The following IRS2 variants were observed in gnomAD, a reference collection of about 807,000 sequenced individuals.
The protein encoded by IRS2 is insulin receptor substrate 2.
IRS2 carries 28 observed loss-of-function variants against 70.9 expected under a neutral mutation model. The observed-to-expected ratio is 0.39, with a 90% confidence interval of 0.29 to 0.54. The LOEUF is 0.54. IRS2 is among the 20% of genes least tolerant of loss of function. The probability of loss-of-function intolerance (pLI) is 0.59; values close to 1 mark genes in which losing one functional copy is unlikely to be tolerated. For synonymous variants in IRS2, 1,217 were observed against 981.9 expected, an observed-to-expected ratio of 1.24 and a Z score of -4.48; for missense variants, 2,081 against 2,024.1, an observed-to-expected ratio of 1.03 and a Z score of -0.54.
In IRS2 at chr13:109,785,045, C is replaced by A; in HGVS notation, c.1009G>T (p.Gly337Cys). ...TCGGTGCGCGAGCGGCGCACCAGGCCCGTCTGGCTGGGGGGCAGGTTGACC... is the reference window on the plus strand; with the variant it reads ...TCGGTGCGCGAGCGGCGCACCAGGCACGTCTGGCTGGGGGGCAGGTTGACC... ...HLVNLPPSQTGLVRRSRTDSL... is the reference protein window; with the variant it reads ...HLVNLPPSQTCLVRRSRTDSL... The change falls in exon 1 of 2, where the codon GGC becomes TGC. Residue 337 changes from glycine (G) to cysteine (C), a missense_variant. By Grantham distance (159) the Gly-to-Cys change is radical (BLOSUM62 -3). Coordinates refer to ENST00000375856, the MANE Select transcript of IRS2 (RefSeq NM_003749.3). This position sits in a 1 kb window ranked among gnomAD's most constrained non-coding sequence, Gnocchi z 9.3. 1.2e-5 allele frequency: 18 copies of A among 1,547,212 alleles called. No homozygotes were observed. The highest frequency in any genetic ancestry group is 1.6e-5 in the Non-Finnish European group (18 of 1,147,882).
intron 1 of IRS2, among the ~76,000 whole-genome samples, chr13:109,760,597 T>C (rs1173123507): frequency 6.6e-6 from 1 of 152,250 alleles, no homozygotes; most frequent in African/African-American, 2.4e-5. Context: ...TTGTGACAGA[T>C]GACATTCATA....
Position 109,784,564 on chromosome 13 carries a change from A to C in IRS2, c.1490T>G (p.Phe497Cys), listed in dbSNP as rs755878873. The C allele has an allele frequency of 4.9e-6, 7 of 1,415,738 alleles. No individual in the cohort carries two copies. The highest frequency in any genetic ancestry group is 6.4e-6 in the Non-Finnish European group (7 of 1,089,950). 87.7% of individuals were successfully genotyped at this position (1,415,738 alleles called of 1,614,324 possible). A position where few individuals can be genotyped will look rare whatever the true frequency, so the allele number is the denominator to read the frequency against. ...SASGSPSDPGFMSLDEYGSSP... is the reference protein window; with the variant it reads ...SASGSPSDPGCMSLDEYGSSP... ...GGAGCCGTACTCGTCCAGGGACATG[A>C]AGCCGGGGTCGCTGGGGGAGCCCGA... Residue 497 changes from phenylalanine (F) to cysteine (C), a missense_variant, in exon 1 of 2, where the codon TTC becomes TGC. Physicochemically the swap from Phe to Cys is radical, Grantham distance 205. Around this residue, in one of 4 missense-constraint regions of IRS2, gnomAD observed 1,615 missense variants for 1,459.5 expected, o/e 1.11. Transcript: ENST00000375856. The surrounding 1 kb of genome is among the most constrained non-coding windows in gnomAD (Gnocchi z 5.2).
chr13:109,766,901 C>G (rs1157359690), intron 1 of IRS2, among the ~76,000 whole-genome samples: 2 of 152,242 alleles, frequency 1.3e-5, no homozygotes, highest in African/African-American at 4.8e-5. Context: ...AGCCAAAATG[C>G]CAAAGTGTCT....
intron 1 of IRS2, among the ~76,000 whole-genome samples, chr13:109,781,098 T>C (rs2138927675): frequency 6.6e-6 from 1 of 152,298 alleles, no homozygotes; most frequent in South Asian, 2.1e-4. Context: ...CCTGGACAAC[T>C]CTGAAAAATG....
intron 1 of IRS2, among the ~76,000 whole-genome samples, chr13:109,780,189 T>C (rs12585507): frequency 0.067 from 10,180 of 152,232 alleles, 369 homozygotes; most frequent in Non-Finnish European, 0.074. Context: ...CAGATTCGGG[T>C]AAGATGTAAT....
In IRS2 at chr13:109,783,824, G is replaced by A. The variant is rs558236298; in HGVS notation, c.2230C>T (p.Arg744Cys). ...GACAGCTTGGAACCGCACCACATGC[G>A]CATGTACCCACTGTCCTCGGGGGAG... ...ESSPEDSGYM[R>C]MWCGSKLSME... Residue 744 changes from arginine (R) to cysteine (C), a missense_variant, in exon 1 of 2, where the codon CGC (arginine) becomes TGC (cysteine). Transcript: ENST00000375856. The A allele has an allele frequency of 9.4e-6, 15 of 1,589,546 alleles. No homozygotes were observed. The highest frequency in any genetic ancestry group is 3.5e-5 in the Admixed American group (2 of 57,404).
chr13:109,766,034 G>A (rs1309290396), intron 1 of IRS2, among the ~76,000 whole-genome samples: 11 of 12,714 alleles, frequency 8.7e-4, no homozygotes, highest in African/African-American at 1.3e-3. Flanking sequence ...CCCTGGCTCC[G>A]ACTCCCCACC....
In IRS2 at chr13:109,784,881, G is replaced by T; in HGVS notation, c.1173C>A (p.Ser391Arg). 1 of 1,099,832 alleles carries T rather than the reference G, an allele frequency of 9.1e-7. No homozygotes were observed. Among genetic ancestry groups the T allele is most frequent in the Non-Finnish European group, 1.1e-6 (1 of 901,796 alleles). The allele number at this position is 1,099,832 out of a possible 1,614,324, so 68.1% of individuals were successfully genotyped here. The change falls in exon 1 of 2, where the codon AGC (serine) becomes AGA (arginine). Residue 391 changes from serine (S) to arginine (R), a missense_variant. Around this residue, in one of 4 missense-constraint regions of IRS2, gnomAD observed 1,615 missense variants for 1,459.5 expected, o/e 1.11. Transcript: ENST00000375856. The surrounding 1 kb of genome is among the most constrained non-coding windows in gnomAD (Gnocchi z 5.2). ...RPVSVAGSPL[S>R]PGPVRAPLSR... ...TCAGGGGCGCGCGCACCGGCCCGGG[G>T]CTCAGGGGGCTCCCAGCCACCGACA...
Position 109,785,127 on chromosome 13 carries a change from C to A in IRS2, c.927G>T (p.Ser309=), listed in dbSNP as rs1343513907. Residue 309 remains serine (S), a synonymous_variant, in exon 1 of 2, where the codon TCG becomes TCT. Transcript: ENST00000375856. The surrounding 1 kb of genome is among the most constrained non-coding windows in gnomAD (Gnocchi z 9.3). ...EFRPRSKSQS[S]GSSATHPISV... is the part of the protein sequence containing the mutation. Reference sequence around the variant, plus strand: ...TGATGGGGTGCGTGGCCGACGACCCCGACGATTGGCTCTTACTGCGCGGCC... The same window carrying A: ...TGATGGGGTGCGTGGCCGACGACCCAGACGATTGGCTCTTACTGCGCGGCC... The A allele has an allele frequency of 1.9e-6, 3 of 1,594,568 alleles. No individual in the cohort carries two copies. The highest frequency in any genetic ancestry group is 2.3e-5 in the East Asian group (1 of 43,832).
At chr13:109,770,020 G>A (rs936536970) in intron 1 of IRS2, among the ~76,000 whole-genome samples, 7 of 152,158 alleles carry the variant, frequency 4.6e-5, no homozygotes, top group African/African-American at 1.4e-4. Flanking sequence ...GTGAGAATGG[G>A]AGGAGACTCA....
intron 1 of IRS2, among the ~76,000 whole-genome samples, chr13:109,780,519 T>C (rs1877672717): frequency 6.6e-6 from 1 of 152,228 alleles, no homozygotes; most frequent in Non-Finnish European, 1.5e-5. Flanking sequence ...ATAAAGGAAA[T>C]AGCTTTTCTC....
Position 109,782,573 on chromosome 13 carries a change from C to G in IRS2, c.3481G>C (p.Val1161Leu). The change falls in exon 1 of 2, where the codon GTG (valine) becomes CTG (leucine). Residue 1161 changes from valine (V) to leucine (L), a missense_variant. Physicochemically the swap from Val to Leu is conservative, Grantham distance 32. This residue lies in a region of IRS2 where 1,615 missense variants were observed against 1,459.5 expected (regional missense o/e 1.11). Transcript: ENST00000375856. ...TFSSTTTVTP[V>L]SPSFAHNPKR... The stretch of plus-strand genomic sequence containing the variant: ...GGGTTGTGGGCGAAGGACGGGGACA[C>G]GGGGGTGACCGTCGTGGTGGAGGAG... The G allele has an allele frequency of 6.4e-7, 1 of 1,570,512 alleles. No homozygotes were observed. The highest frequency in any genetic ancestry group is 1.2e-5 in the South Asian group (1 of 86,092).
At chr13:109,772,072 G>A (rs536887416) in intron 1 of IRS2, among the ~76,000 whole-genome samples, 1 of 152,366 alleles carries the variant, frequency 6.6e-6, no homozygotes, top group South Asian at 2.1e-4. Flanking sequence ...AAAGAAAGGA[G>A]GGCAGAGAGG....
intron 1 of IRS2, among the ~76,000 whole-genome samples, chr13:109,765,157 T>C (rs1195085702): frequency 6.6e-6 from 1 of 152,196 alleles, no homozygotes; most frequent in Non-Finnish European, 1.5e-5. Flanking sequence ...CTCTGCTCTA[T>C]ACAAAAAGGT....
chr13:109,783,175 G>A lies in IRS2; in HGVS notation c.2879C>T (p.Ser960Leu), dbSNP rs1387644128. 4.3e-6 allele frequency: 6 copies of A among 1,382,400 alleles called. No individual in the cohort carries two copies. The highest frequency in any genetic ancestry group is 5.6e-6 in the Non-Finnish European group (6 of 1,073,664). The allele number at this position is 1,382,400 out of a possible 1,614,324, so 85.6% of individuals were successfully genotyped here. ...SASSPASSLG[S>L]GTPGTSSDSR... ...GTCGCTGCTGGTGCCCGGGGTGCCTGAGCCCAGCGACGAGGCCGGGCTGCT... is the reference window on the plus strand; with the variant it reads ...GTCGCTGCTGGTGCCCGGGGTGCCTAAGCCCAGCGACGAGGCCGGGCTGCT... The change falls in exon 1 of 2, where the codon TCA becomes TTA. Residue 960 changes from serine to leucine, a missense_variant. By Grantham distance (145) the Ser-to-Leu change is moderately radical. Coordinates refer to ENST00000375856, the MANE Select transcript of IRS2 (RefSeq NM_003749.3).
Position 109,785,974 on chromosome 13 carries a change from T to C in IRS2, c.80A>G (p.Asn27Ser), listed in dbSNP as rs1877911659. The change falls in exon 1 of 2, where the codon AAC becomes AGC. Residue 27 changes from asparagine to serine, a missense_variant. Transcript: ENST00000375856. The surrounding 1 kb of genome is among the most constrained non-coding windows in gnomAD (Gnocchi z 9.3). ...GPNLNNNNNNNNHSVRKCGYL... is the reference protein window; with the variant it reads ...GPNLNNNNNNSNHSVRKCGYL... ...GCCGCACTTGCGCACGCTGTGGTTGTTGTTGTTGTTGTTGTTGTTGAGGTT... is the reference window on the plus strand; with the variant it reads ...GCCGCACTTGCGCACGCTGTGGTTGCTGTTGTTGTTGTTGTTGTTGAGGTT... 6.8e-7 allele frequency: 1 copy of C among 1,481,416 alleles called. No homozygotes were observed. The highest frequency in any genetic ancestry group is 1.5e-5 in the African/African-American group (1 of 68,096). The allele number at this position is 1,481,416 out of a possible 1,614,324, so 91.8% of individuals were successfully genotyped here. A position where few individuals can be genotyped will look rare whatever the true frequency, so the allele number is the denominator to read the frequency against.
intron 1 of IRS2, among the ~76,000 whole-genome samples, chr13:109,767,817 C>T (rs1877369925): frequency 2.0e-5 from 3 of 151,088 alleles, no homozygotes; most frequent in African/African-American, 7.3e-5. Flanking sequence ...GCTGCAACCT[C>T]CGCTTCACGG....
Position 109,785,022 on chromosome 13 carries a change from G to A in IRS2, c.1032C>T (p.Thr344=). 3 of 1,475,800 alleles carry A rather than the reference G, an allele frequency of 2.0e-6. No individual in the cohort carries two copies. The highest frequency in any genetic ancestry group is 2.7e-5 in the South Asian group (2 of 75,280). 91.4% of individuals were successfully genotyped at this position (1,475,800 alleles called of 1,614,324 possible). ...CCGGCGGGGTGGCGGCCAGGCTGTCGGTGCGCGAGCGGCGCACCAGGCCCG... is the reference window on the plus strand; with the variant it reads ...CCGGCGGGGTGGCGGCCAGGCTGTCAGTGCGCGAGCGGCGCACCAGGCCCG... ...SQTGLVRRSR[T]DSLAATPPAA... The change falls in exon 1 of 2, where the codon ACC becomes ACT. Residue 344 remains threonine (T), a synonymous_variant. Transcript: ENST00000375856. This position sits in a 1 kb window ranked among gnomAD's most constrained non-coding sequence, Gnocchi z 9.3.
At chr13:109,781,769 G>A (rs750863532) in intron 1 of IRS2, among the ~76,000 whole-genome samples, 3 of 152,180 alleles carry the variant, frequency 2.0e-5, no homozygotes, top group Non-Finnish European at 2.9e-5. Flanking sequence ...GGGGCTGTGG[G>A]ACGCACAGAA....
Sources: gnomAD v4.1 joint callset for allele counts (sites outside exome capture counted in the v4.1 genomes callset) on GRCh38, gnomAD v4.1.1 for gene constraint, gnomAD v4.1.1 regional missense constraint, Gnocchi (gnomAD v3.1) non-coding constraint, MANE v1.5 for transcripts, NCBI Gene and HGNC (gene_info 2026-07-23, HGNC 2026-07-21) for gene names.